PPP4R3B: variants seen among roughly 807,000 people sequenced by gnomAD.
PPP4R3B encodes the protein serine/threonine-protein phosphatase 4 regulatory subunit 3B.
In PPP4R3B, 52 loss-of-function variants were observed where a neutral mutation model predicts 95.4. The ratio of observed to expected loss-of-function variants is 0.54; its 90% confidence interval spans 0.44 to 0.69. PPP4R3B has a LOEUF of 0.69. PPP4R3B is among the 30% of genes least tolerant of loss of function. The pLI, the probability that PPP4R3B is intolerant of heterozygous loss-of-function variation, is 0.00. For missense variants in PPP4R3B, 1,003 were observed against 1,005.9 expected, an observed-to-expected ratio of 1.00 and a Z score of 0.04; for synonymous variants, 407 against 343.9, an observed-to-expected ratio of 1.18 and a Z score of -2.03.
chr2:55,569,230 G>C (rs965238163), intron 12 of PPP4R3B, among the ~76,000 whole-genome samples: 1 of 152,144 alleles, frequency 6.6e-6, no homozygotes, highest in Non-Finnish European at 1.5e-5. Flanking sequence ...CGTCTGGGAA[G>C]ATGCCCGTTG....
chr2:55,610,533 T>C (rs1039801385), intron 2 of PPP4R3B, among the ~76,000 whole-genome samples: 2 of 152,254 alleles, frequency 1.3e-5, no homozygotes, highest in East Asian at 1.9e-4. Flanking sequence ...TTTTTCTTAA[T>C]GATTCCAGCT....
intron 4 of PPP4R3B, among the ~76,000 whole-genome samples, chr2:55,590,156 C>T (rs1171336086): frequency 2.0e-5 from 3 of 150,462 alleles, no homozygotes; most frequent in Admixed American, 6.6e-5. Flanking sequence ...GGAGAAACCC[C>T]GTCTCCACTA....
rs536832937 is a variant in PPP4R3B at position 55,553,416 on chromosome 2, C to T, written c.2455-3410G>A. The stretch of plus-strand genomic sequence containing the variant: ...ACCTCCCGAAAAAAGCAGGGCACTA[C>T]TCTCTAAGTCCATACCATAAAGTCA... On this transcript the variant is annotated intron_variant, in intron 16 of 16. Transcript: ENST00000616407. Among the ~76,000 whole-genome samples, 65 of 152,242 alleles carry T rather than the reference C, an allele frequency of 4.3e-4. No individual in the cohort carries two copies. In the South Asian group the frequency reaches 0.013, roughly 31 times the overall value.
At chr2:55,604,718 A>T (rs1255848819) in intron 2 of PPP4R3B, among the ~76,000 whole-genome samples, 1 of 152,126 alleles carries the variant, frequency 6.6e-6, no homozygotes, top group Non-Finnish European at 1.5e-5. Context: ...TGCCTACCAA[A>T]GGGTTAGTTA....
intron 4 of PPP4R3B, among the ~76,000 whole-genome samples, chr2:55,596,228 T>C (rs1245671916): frequency 6.6e-6 from 1 of 152,178 alleles, no homozygotes; most frequent in Non-Finnish European, 1.5e-5. Context: ...AACACGCTCT[T>C]TGAGGCCGAA....
chr2:55,615,181 T>C (rs1694716028), intron 2 of PPP4R3B: 1 of 368,888 alleles, frequency 2.7e-6, no homozygotes, highest in Non-Finnish European at 4.9e-6. Flanking sequence ...ATGTACAAGG[T>C]ATAGAAGAGA....
At chr2:55,612,501 T>C (rs1251272647) in intron 2 of PPP4R3B, among the ~76,000 whole-genome samples, 6 of 152,078 alleles carry the variant, frequency 3.9e-5, no homozygotes, top group African/African-American at 1.2e-4. Flanking sequence ...AAAGGATCAC[T>C]TGAGGCCAGG....
Position 55,579,741 on chromosome 2 carries a change from T to C in PPP4R3B, c.1406A>G (p.His469Arg), listed in dbSNP as rs1432285967. The C allele has an allele frequency of 2.7e-5, 44 of 1,606,060 alleles. No individual in the cohort carries two copies. In the East Asian group the frequency reaches 8.5e-4, roughly 31 times the overall value. Reference sequence around the variant, plus strand: ...TGGTGCTGTGAGAACATGCATACAATGGTTGTAGAAAAAATTTAGAAATTC... The same window carrying C: ...TGGTGCTGTGAGAACATGCATACAACGGTTGTAGAAAAAATTTAGAAATTC... Reference protein sequence around the residue: ...KSEFLNFFYNHCMHVLTAPLL... With the variant: ...KSEFLNFFYNRCMHVLTAPLL... The change falls in exon 9 of 17, where the codon CAT (histidine) becomes CGT (arginine). Residue 469 changes from histidine to arginine, a missense_variant. This residue lies in a region of PPP4R3B where 695 missense variants were observed against 686.2 expected (regional missense o/e 1.01). Transcript: ENST00000616407.
chr2:55,612,594 G>A (rs1426554421), intron 2 of PPP4R3B, among the ~76,000 whole-genome samples: 1 of 151,956 alleles, frequency 6.6e-6, no homozygotes, highest in Non-Finnish European at 1.5e-5. Context: ...TTTTTTAAAG[G>A]TGCAAATTTA....
In PPP4R3B at chr2:55,598,424, T is replaced by C. The variant is rs1201613045; in HGVS notation, c.913A>G (p.Met305Val). ...AGTATCTTTTTACTTACCTGCAACA[T>C]GCTGACTATCTCAACTTTGTTGAAG... ...IFFNKVEIVS[M>V]LQEDEKFLSE... The change falls in exon 4 of 17, where the codon ATG becomes GTG. Residue 305 changes from methionine (M) to valine (V), a missense_variant. This residue lies in a region of PPP4R3B where 695 missense variants were observed against 686.2 expected (regional missense o/e 1.01). Transcript: ENST00000616407. 1.9e-6 allele frequency: 3 copies of C among 1,613,312 alleles called. No homozygotes were observed. Among genetic ancestry groups the C allele is most frequent in the Non-Finnish European group, 2.5e-6 (3 of 1,179,760 alleles).
chr2:55,569,733 T>A (rs557305343), intron 12 of PPP4R3B, among the ~76,000 whole-genome samples: 14 of 152,104 alleles, frequency 9.2e-5, no homozygotes, highest in Non-Finnish European at 1.9e-4. Context: ...AGCCTGGCAT[T>A]CGGGGCCACT....
At position 55,565,032 on chromosome 2, in the gene PPP4R3B, T is replaced by C. The variant is rs1415272647; in HGVS notation, c.1945A>G (p.Lys649Glu). Reference sequence around the variant, plus strand: ...TCAACTATATGGGCAGTAAGAGACTTGATATCTTCCTGTATAAGCACAAAA... The same window carrying C: ...TCAACTATATGGGCAGTAAGAGACTCGATATCTTCCTGTATAAGCACAAAA... ...LFEFIRVEDI[K>E]SLTAHIVENF... The change falls in exon 14 of 17, where the codon AAG (lysine) becomes GAG (glutamate). Residue 649 changes from lysine to glutamate, a missense_variant. By Grantham distance (56) the Lys-to-Glu change is moderately conservative. Around this residue, in one of 3 missense-constraint regions of PPP4R3B, gnomAD observed 79 missense variants for 124.9 expected, o/e 0.63. Transcript: ENST00000616407. The C allele has an allele frequency of 6.3e-7, 1 of 1,585,750 alleles. No homozygotes were observed. The highest frequency in any genetic ancestry group is 1.2e-5 in the South Asian group (1 of 85,922).
At chr2:55,576,338 ACT>A (rs760056502) in intron 11 of PPP4R3B, among the ~76,000 whole-genome samples, 6 of 151,440 alleles carry the variant, frequency 4.0e-5, no homozygotes, top group Non-Finnish European at 5.9e-5. Context: ...ACAGAGTGAG[ACT>A]CTGTCTCAAA....
chr2:55,556,955 C>T (rs1305203758), intron 16 of PPP4R3B, among the ~76,000 whole-genome samples: 2 of 151,998 alleles, frequency 1.3e-5, no homozygotes, highest in Non-Finnish European at 2.9e-5. Context: ...CCCAGCTACT[C>T]GGGAGGCTGA....
rs569152559 is a variant in PPP4R3B at position 55,572,186 on chromosome 2, G to T, written c.1765+1433C>A. ...TGTAAAAAAGGAAATAAAGATATTAGAAGAAAGTGAGAATATCTGCATAAT... is the reference window on the plus strand; with the variant it reads ...TGTAAAAAAGGAAATAAAGATATTATAAGAAAGTGAGAATATCTGCATAAT... On this transcript the variant is annotated intron_variant, in intron 12 of 16. Coordinates refer to ENST00000616407, the MANE Select transcript of PPP4R3B (RefSeq NM_001122964.3). 5.4e-4 allele frequency among the ~76,000 whole-genome samples: 82 copies of T among 151,902 alleles called. 1 individual carries two copies. Among genetic ancestry groups the T allele is most frequent in the African/African-American group, 1.9e-3 (80 of 41,460 alleles).
Position 55,612,990 on chromosome 2 carries a change from A to T in PPP4R3B, c.198+2461T>A, listed in dbSNP as rs919300405. Among the ~76,000 whole-genome samples, 7 of 152,180 alleles carry T rather than the reference A, an allele frequency of 4.6e-5. No individual in the cohort carries two copies. The South Asian group carries it at 1.5e-3, about 32-fold the overall frequency. On this transcript the variant is annotated intron_variant, in intron 2 of 16. Coordinates refer to ENST00000616407, the MANE Select transcript of PPP4R3B (RefSeq NM_001122964.3). The stretch of plus-strand genomic sequence containing the variant: ...GTCAAGCATGGTGGCTCACATCCAT[A>T]ATCCCATCTACTCAGAAGGCTGAAA...
At chr2:55,609,479 C>T (rs1693866449) in intron 2 of PPP4R3B, among the ~76,000 whole-genome samples, 1 of 151,996 alleles carries the variant, frequency 6.6e-6, no homozygotes, top group Non-Finnish European at 1.5e-5. Context: ...CTCAGGAGTT[C>T]AAGACCAGCC....
intron 16 of PPP4R3B, 99 bp from the exon 17 acceptor site, chr2:55,550,105 T>A: frequency 1.3e-6 from 1 of 778,656 alleles, no homozygotes; most frequent in Non-Finnish European, 2.1e-6. Flanking sequence ...AAATCGTTTT[T>A]CTAAATCATA....
At chr2:55,607,059 C>T (rs929710031) in intron 2 of PPP4R3B, among the ~76,000 whole-genome samples, 2 of 152,078 alleles carry the variant, frequency 1.3e-5, no homozygotes, top group African/African-American at 2.4e-5. Flanking sequence ...GTTTAAGTTA[C>T]AAAATATTTG....
Sources: allele counts gnomAD v4.1 joint callset (sites outside exome capture counted in the v4.1 genomes callset), GRCh38; gene constraint gnomAD v4.1.1; regional missense constraint gnomAD v4.1.1; transcripts MANE v1.5; gene names NCBI Gene and HGNC (gene_info 2026-07-23, HGNC 2026-07-21).